Variants in SUMF1 observed in about 807,000 individuals in gnomAD.
The protein encoded by SUMF1 is sulfatase modifying factor 1.
A neutral mutation model predicts 47.6 loss-of-function variants in SUMF1; 48 were observed. That is an observed-to-expected ratio of 1.01 (90% CI 0.80 to 1.28). SUMF1 has a LOEUF of 1.28. Ranked by LOEUF, SUMF1 falls within the 50% of genes most tolerant of loss-of-function variation. SUMF1 has a pLI of 0.00. For missense variants in SUMF1, 571 were observed against 485.4 expected (o/e 1.18, Z -1.66); for synonymous variants, 230 against 192.1 (o/e 1.20, Z -1.63).
rs58350223 is a variant in SUMF1, at chr3:4,392,615, GTATATATA to G, written c.955-16234_955-16227del. Among the ~76,000 whole-genome samples the G allele has an allele frequency of 2.8e-3, 267 of 96,104 alleles. 1 individual carries two copies. The highest frequency in any genetic ancestry group is 9.1e-3 in the African/African-American group (252 of 27,656). 63.0% of individuals were successfully genotyped at this position (96,104 alleles called of 152,430 possible). A position where few individuals can be genotyped will look rare whatever the true frequency, so the allele number is the denominator to read the frequency against. The stretch of plus-strand genomic sequence containing the variant: ...TATATGTGTGTGTGTGTGTGTGTGT[GTATATATA>G]TATATATATATATATATCTACCTAT... On this transcript the variant is annotated intron_variant, in intron 7 of 8. Transcript: ENST00000272902.
intron 8 of SUMF1, among the ~76,000 whole-genome samples, chr3:4,240,266 G>A (rs1445200405): frequency 6.6e-6 from 1 of 152,080 alleles, no homozygotes; most frequent in Non-Finnish European, 1.5e-5. Context: ...TTTGGTATCA[G>A]GATGAAGCTA....
At chr3:4,083,225 T>G (rs1297304105) in intron 8 of SUMF1, among the ~76,000 whole-genome samples, 2 of 152,196 alleles carry the variant, frequency 1.3e-5, no homozygotes, top group South Asian at 4.1e-4. Context: ...ATTCAAACTT[T>G]GTTGGCGGCT....
chr3:4,269,542 T>C (rs780248618), intron 8 of SUMF1, among the ~76,000 whole-genome samples: 9 of 152,244 alleles, frequency 5.9e-5, no homozygotes, highest in Non-Finnish European at 1.3e-4. Context: ...AAGTGCCATA[T>C]TCCAAATTAC....
intron 9 of SUMF1, among the ~76,000 whole-genome samples, chr3:4,044,842 A>G (rs1694977297): frequency 6.6e-6 from 1 of 152,220 alleles, no homozygotes; most frequent in East Asian, 1.9e-4. Context: ...TGCATCATTT[A>G]GATCATTCTT....
At chr3:4,408,385 T>G (rs1215241044) in intron 7 of SUMF1, among the ~76,000 whole-genome samples, 2 of 152,208 alleles carry the variant, frequency 1.3e-5, no homozygotes, top group African/African-American at 4.8e-5. Flanking sequence ...ATGTAGTAGG[T>G]ACACAGTTAT....
chr3:4,198,887 T>A (rs1457057348), intron 8 of SUMF1, among the ~76,000 whole-genome samples: 2 of 152,118 alleles, frequency 1.3e-5, no homozygotes, highest in African/African-American at 4.8e-5. Context: ...AAGAGTCTAC[T>A]CACTTTAAAA....
At position 4,466,853 on chromosome 3, in the gene SUMF1, T is replaced by A; in HGVS notation, c.270+123A>T. On this transcript the variant is annotated intron_variant, in intron 1 of 8. Coordinates refer to ENST00000272902, the MANE Select transcript of SUMF1 (RefSeq NM_182760.4). ...GAACTCCTCATACGGGAACAGCAGG[T>A]GCTCGATTTGGGGTGTGGTTATAAC... is the stretch of plus-strand genomic sequence containing the variant. 5.0e-6 allele frequency: 7 copies of A among 1,407,088 alleles called. No homozygotes were observed. The South Asian group carries it at 8.2e-5, about 16-fold the overall frequency. 87.2% of individuals were successfully genotyped at this position (1,407,088 alleles called of 1,614,324 possible).
At chr3:4,038,101 G>A (rs1243146327) in intron 9 of SUMF1, among the ~76,000 whole-genome samples, 1 of 152,102 alleles carries the variant, frequency 6.6e-6, no homozygotes, top group Admixed American at 6.6e-5. Context: ...TTCCTGGGCT[G>A]CCCACCACCG....
chr3:4,044,915 T>G (rs1694978734), intron 9 of SUMF1, among the ~76,000 whole-genome samples: 1 of 152,130 alleles, frequency 6.6e-6, no homozygotes, highest in African/African-American at 2.4e-5. Flanking sequence ...ATTTAAGGAC[T>G]GGAAAAAATA....
intron 7 of SUMF1, 46 bp downstream of exon 7, chr3:4,410,819 A>C (rs1166262691): frequency 6.5e-6 from 10 of 1,548,362 alleles, no homozygotes; most frequent in Non-Finnish European, 8.9e-6. Context: ...TGCCCAGAGG[A>C]CAGATGCCAC....
At chr3:4,203,625 T>G (rs1695586420) in intron 8 of SUMF1, among the ~76,000 whole-genome samples, 3 of 152,098 alleles carry the variant, frequency 2.0e-5, no homozygotes, top group African/African-American at 7.2e-5. Context: ...TCCTGTCATG[T>G]TGTTATTTGT....
intron 8 of SUMF1, among the ~76,000 whole-genome samples, chr3:4,369,480 G>T (rs995118505): frequency 2.6e-5 from 4 of 152,068 alleles, no homozygotes; most frequent in Non-Finnish European, 5.9e-5. Flanking sequence ...AAGTTCCTGT[G>T]GATAATCCAG....
intron 9 of SUMF1, among the ~76,000 whole-genome samples, chr3:4,049,913 G>A (rs1209844735): frequency 2.6e-5 from 4 of 152,022 alleles, no homozygotes; most frequent in Non-Finnish European, 5.9e-5. Context: ...GCTGGAAGGG[G>A]GATGGAGTGG....
chr3:4,199,264 T>C (rs565665091), intron 8 of SUMF1, among the ~76,000 whole-genome samples: 8 of 151,930 alleles, frequency 5.3e-5, no homozygotes, highest in South Asian at 2.1e-4. Context: ...CTTTTGTGTA[T>C]TGCTTCTTTC....
intron 8 of SUMF1, among the ~76,000 whole-genome samples, chr3:4,311,293 T>G (rs1698394970): frequency 6.6e-6 from 1 of 152,154 alleles, no homozygotes. Context: ...GTTCAATACC[T>G]TTCTAAAGCC....
intron 8 of SUMF1, among the ~76,000 whole-genome samples, chr3:4,132,146 T>C (rs1397923468): frequency 1.3e-5 from 2 of 152,138 alleles, no homozygotes; most frequent in East Asian, 1.9e-4. Context: ...ACTCCGGATA[T>C]AGATATGAGT....
At chr3:4,163,118 C>A (rs1381706377) in intron 8 of SUMF1, among the ~76,000 whole-genome samples, 1 of 128,174 alleles carries the variant, frequency 7.8e-6, no homozygotes, top group Non-Finnish European at 1.7e-5. Context: ...TAAGCAGCAG[C>A]CTGAAAAAAA....
intron 8 of SUMF1, chr3:4,316,661 T>C (rs777663660): frequency 9.7e-6 from 15 of 1,551,106 alleles, no homozygotes; most frequent in African/African-American, 5.5e-5. Flanking sequence ...CATTTCTCGA[T>C]CGGATTGTGA....
intron 8 of SUMF1, chr3:4,316,286 A>G: frequency 2.0e-6 from 2 of 977,962 alleles, no homozygotes; most frequent in Non-Finnish European, 3.1e-6. Context: ...GTCGTAAAGC[A>G]GCAGAAACAA....
Sources: gnomAD v4.1 joint callset for allele counts (sites outside exome capture counted in the v4.1 genomes callset) on GRCh38, gnomAD v4.1.1 for gene constraint, MANE v1.5 for transcripts, NCBI Gene and HGNC (gene_info 2026-07-23, HGNC 2026-07-21) for gene names.